ANTXRL: variants seen among roughly 807,000 people sequenced by gnomAD.
ANTXRL encodes the protein ANTXR like.
A neutral mutation model predicts 75.4 loss-of-function variants in ANTXRL; 63 were observed. That is an observed-to-expected ratio of 0.84 (90% CI 0.68 to 1.03). The LOEUF is 1.03. Among genes scored for constraint, ANTXRL ranks in the 50% least tolerant of loss-of-function variants. ANTXRL has a pLI of 0.00. For synonymous variants in ANTXRL, 335 were observed against 291.3 expected (o/e 1.15, Z -1.53); for missense variants, 797 against 789.4 (o/e 1.01, Z -0.12).
At chr10:46,305,921 T>C (rs1213272872) in intron 10 of ANTXRL, among the ~76,000 whole-genome samples, 4 of 152,174 alleles carry the variant, frequency 2.6e-5, no homozygotes, top group Admixed American at 1.3e-4. Context: ...GAGCTTCCTC[T>C]TCACATCCAT....
At chr10:46,292,491 A>G (rs1423607196) in intron 2 of ANTXRL, among the ~76,000 whole-genome samples, 1 of 152,182 alleles carries the variant, frequency 6.6e-6, no homozygotes, top group Non-Finnish European at 1.5e-5. Context: ...GGTTAAAGGA[A>G]AAAACAGGAA....
intron 16 of ANTXRL, among the ~76,000 whole-genome samples, chr10:46,324,396 G>C (rs1839115593): frequency 6.6e-6 from 1 of 152,178 alleles, no homozygotes; most frequent in South Asian, 2.1e-4. Flanking sequence ...AGGTAATAAA[G>C]TATTTGAATT....
At chr10:46,286,380 A>C (rs1836767900), upstream of ANTXRL, 2 of 152,360 alleles carry the variant, frequency 1.3e-5, no homozygotes, top group East Asian at 1.9e-4. Context: ...GGGAGGCTAC[A>C]TGCAGGGTCT....
At position 46,313,305 on chromosome 10, in the gene ANTXRL, A is replaced by AGCAGGGACCAGGTGAGCTAGGGC. The variant is rs1377286736; in HGVS notation, c.1400_1410+12dup. 6.5e-7 allele frequency: 1 copy of AGCAGGGACCAGGTGAGCTAGGGC among 1,535,796 alleles called. No individual in the cohort carries two copies. Among genetic ancestry groups the AGCAGGGACCAGGTGAGCTAGGGC allele is most frequent in the African/African-American group, 1.4e-5 (1 of 73,008 alleles). On this transcript the variant is annotated stop_gained and frameshift_variant, in exon 16 of 17. Transcript: ENST00000620264. LOFTEE classifies it high-confidence loss of function. Reference sequence around the variant, plus strand: ...CCAGGTGCCATGGATGTGTTGTCAGAGCAGGGACCAGGTGAGCTAGGGCAC... The same window carrying AGCAGGGACCAGGTGAGCTAGGGC: ...CCAGGTGCCATGGATGTGTTGTCAGAGCAGGGACCAGGTGAGCTAGGGCGCAGGGACCAGGTGAGCTAGGGCAC...
Position 46,330,038 on chromosome 10 carries a change from C to G in ANTXRL, c.1850C>G (p.Thr617Arg). The stretch of plus-strand genomic sequence containing the variant: ...CTGCTGTCCCCACTGCTCAGGCACA[C>G]GGCAGAACCCCCTTTGTCACTCCCC... Reference protein sequence around the residue: ...LPLLSPLLRHTAEPPLSLPPS... With the variant: ...LPLLSPLLRHRAEPPLSLPPS... Residue 617 changes from threonine (T) to arginine (R), a missense_variant, in exon 17 of 17, where the codon ACG becomes AGG. This residue lies in a region of ANTXRL where 479 missense variants were observed against 422.0 expected (regional missense o/e 1.14). Transcript: ENST00000620264. 6.5e-7 allele frequency: 1 copy of G among 1,531,156 alleles called. No homozygotes were observed. Among genetic ancestry groups the G allele is most frequent in the Non-Finnish European group, 8.7e-7 (1 of 1,143,618 alleles). 94.8% of individuals were successfully genotyped at this position (1,531,156 alleles called of 1,614,324 possible).
chr10:46,294,020 G>A (rs1180263454), intron 3 of ANTXRL, 120 bp downstream of exon 3: 3 of 923,158 alleles, frequency 3.2e-6, no homozygotes, highest in South Asian at 3.3e-5. Context: ...GGGCAGGCCG[G>A]TCAGGGCAAC....
chr10:46,325,792 C>A (rs1443693338), intron 16 of ANTXRL, among the ~76,000 whole-genome samples: 1 of 152,210 alleles, frequency 6.6e-6, no homozygotes, highest in South Asian at 2.1e-4. Flanking sequence ...AGCATTTTCT[C>A]TAGCTCCTTT....
At chr10:46,327,245 G>A (rs547300245) in intron 16 of ANTXRL, among the ~76,000 whole-genome samples, 2 of 152,260 alleles carry the variant, frequency 1.3e-5, no homozygotes, top group African/African-American at 4.8e-5. Flanking sequence ...AACCTGGCAG[G>A]GGACGGTCTG....
At chr10:46,299,081 C>A (rs1328713937) in intron 9 of ANTXRL, among the ~76,000 whole-genome samples, 2 of 151,998 alleles carry the variant, frequency 1.3e-5, no homozygotes. Flanking sequence ...AGCAGCTAAC[C>A]CAGACCACAG....
intron 11 of ANTXRL, 48 bp downstream of exon 11, chr10:46,306,920 G>C (rs1554962066): frequency 6.8e-7 from 1 of 1,460,060 alleles, no homozygotes; most frequent in East Asian, 2.5e-5. Flanking sequence ...CAGGGAGTCA[G>C]GGTTGGGCAC....
At chr10:46,294,816 C>T (rs1554958057) in intron 3 of ANTXRL, among the ~76,000 whole-genome samples, 1 of 140,054 alleles carries the variant, frequency 7.1e-6, no homozygotes, top group East Asian at 2.0e-4. Flanking sequence ...GGTCTGGCCT[C>T]CTCCCCTCCT....
intron 16 of ANTXRL, among the ~76,000 whole-genome samples, chr10:46,317,659 A>G (rs1554964928): frequency 6.6e-6 from 1 of 152,112 alleles, no homozygotes; most frequent in African/African-American, 2.4e-5. Flanking sequence ...TGGTATTGCA[A>G]TTACAGAGAG....
chr10:46,308,910 A>G (rs564031149), intron 12 of ANTXRL, among the ~76,000 whole-genome samples: 1 of 152,228 alleles, frequency 6.6e-6, no homozygotes, highest in South Asian at 2.1e-4. Context: ...CTTTCTTGGC[A>G]GGGCTCTGGG....
intron 16 of ANTXRL, among the ~76,000 whole-genome samples, chr10:46,323,036 A>G (rs1839052835): frequency 6.6e-6 from 1 of 152,192 alleles, no homozygotes; most frequent in Non-Finnish European, 1.5e-5. Context: ...GGATCCCACT[A>G]GAAGTAAGAA....
chr10:46,294,213 G>T (rs1341088134), intron 3 of ANTXRL: 1 of 410,760 alleles, frequency 2.4e-6, no homozygotes, highest in East Asian at 5.4e-5. Flanking sequence ...GGGTGCAGGG[G>T]CTGGCAGGGC....
chr10:46,314,677 C>T (rs1838623542), intron 16 of ANTXRL, among the ~76,000 whole-genome samples: 1 of 152,076 alleles, frequency 6.6e-6, no homozygotes, highest in South Asian at 2.1e-4. Context: ...TTACAGAGGG[C>T]ACTTACCACT....
rs187508703 is a variant in ANTXRL, at chr10:46,293,868, C to A, written c.360C>A (p.Asp120Glu). The A allele has an allele frequency of 1.3e-6, 2 of 1,535,744 alleles. No individual in the cohort carries two copies. Among genetic ancestry groups the A allele is most frequent in the Non-Finnish European group, 1.7e-6 (2 of 1,146,678 alleles). ...IRMCFITYST[D>E]GQTVLPLTSD... ...TGTGCTTCATCACCTACTCCACAGACGGCCAGACTGTCTTGCCACTCACCT... is the reference window on the plus strand; with the variant it reads ...TGTGCTTCATCACCTACTCCACAGAAGGCCAGACTGTCTTGCCACTCACCT... The change falls in exon 3 of 17, where the codon GAC (aspartate) becomes GAA (glutamate). Residue 120 changes from aspartate to glutamate, a missense_variant. Coordinates refer to ENST00000620264, the MANE Select transcript of ANTXRL (RefSeq NM_001278688.3).
At position 46,302,820 on chromosome 10, in the gene ANTXRL, G is replaced by A; in HGVS notation, c.895G>A (p.Asp299Asn). 6.5e-7 allele frequency: 1 copy of A among 1,531,656 alleles called. No individual in the cohort carries two copies. Among genetic ancestry groups the A allele is most frequent in the South Asian group, 1.2e-5 (1 of 83,930 alleles). 94.9% of individuals were successfully genotyped at this position (1,531,656 alleles called of 1,614,324 possible). ...RFIFNESTIIDEKPTSIDNNS... is the reference protein window; with the variant it reads ...RFIFNESTIINEKPTSIDNNS... ...TATCTTCAATGAAAGCACTATCATTGGTAAGTTGTCTCCTCTGTGCCTCTG... is the reference window on the plus strand; with the variant it reads ...TATCTTCAATGAAAGCACTATCATTAGTAAGTTGTCTCCTCTGTGCCTCTG... The change falls in exon 10 of 17, where the codon GAT becomes AAT. Residue 299 changes from aspartate to asparagine, a missense_variant and splice_region_variant. Physicochemically the swap from Asp to Asn is conservative, Grantham distance 23. Around this residue, in one of 3 missense-constraint regions of ANTXRL, gnomAD observed 479 missense variants for 422.0 expected, o/e 1.14. Coordinates refer to ENST00000620264, the MANE Select transcript of ANTXRL (RefSeq NM_001278688.3).
At chr10:46,324,538 C>A (rs1420282568) in intron 16 of ANTXRL, among the ~76,000 whole-genome samples, 1 of 152,136 alleles carries the variant, frequency 6.6e-6, no homozygotes, top group East Asian at 1.9e-4. Flanking sequence ...ACATGGAATT[C>A]TAAATCCTAG....
Sources: gnomAD v4.1 joint callset for allele counts (sites outside exome capture counted in the v4.1 genomes callset) on GRCh38, gnomAD v4.1.1 for gene constraint, gnomAD v4.1.1 regional missense constraint, MANE v1.5 for transcripts, NCBI Gene and HGNC (gene_info 2026-07-23, HGNC 2026-07-21) for gene names.